The following CCDC178 variants were observed in gnomAD, a reference collection of about 807,000 sequenced individuals.
CCDC178 encodes the protein coiled-coil domain containing 178.
CCDC178 carries 126 observed loss-of-function variants against 117.4 expected under a neutral mutation model. That is an observed-to-expected ratio of 1.07 (90% CI 0.93 to 1.24). CCDC178 has a LOEUF of 1.24. Among genes scored for constraint, CCDC178 ranks in the 50% most tolerant of loss-of-function variants. CCDC178 has a pLI of 0.00. For missense variants in CCDC178, 1,030 were observed against 986.9 expected, an observed-to-expected ratio of 1.04 and a Z score of -0.59; for synonymous variants, 283 against 313.4, an observed-to-expected ratio of 0.90 and a Z score of 1.02.
rs563855465 is a variant in CCDC178 at position 33,022,787 on chromosome 18, G to C, written c.2389-48106C>G. ...GTCTAAGTATATCAATTAGAACGCA[G>C]ACATTAGCAGAGCAGATTAAAAAGA... On this transcript the variant is annotated intron_variant, in intron 21 of 22. Coordinates refer to ENST00000383096, the MANE Select transcript of CCDC178 (RefSeq NM_001105528.4). Among the ~76,000 whole-genome samples, 4 of 152,160 alleles carry C rather than the reference G, an allele frequency of 2.6e-5. No homozygotes were observed. In the East Asian group the frequency reaches 7.7e-4, roughly 29 times the overall value.
chr18:33,110,429 T>C (rs1271638897), intron 20 of CCDC178, among the ~76,000 whole-genome samples: 1 of 151,646 alleles, frequency 6.6e-6, no homozygotes, highest in Admixed American at 6.6e-5. Context: ...TGTATTTCTT[T>C]CATGGTTGGT....
chr18:32,989,105 A>G (rs1246108011), intron 21 of CCDC178, among the ~76,000 whole-genome samples: 1 of 152,162 alleles, frequency 6.6e-6, no homozygotes, highest in Non-Finnish European at 1.5e-5. Flanking sequence ...TATTTCCCAA[A>G]TTATTCTAGA....
rs1010061238 is a variant in CCDC178, at chr18:33,386,852, G to A, written c.208+2688C>T. 3.9e-5 allele frequency among the ~76,000 whole-genome samples: 6 copies of A among 152,070 alleles called. No individual in the cohort carries two copies. The South Asian group carries it at 1.2e-3, about 32-fold the overall frequency. ...CACCACTCTTATTCAACATAGTGTT[G>A]GAAGTTCTGGCCAGGGCAATCACGT... is the stretch of plus-strand genomic sequence containing the variant. On this transcript the variant is annotated intron_variant, in intron 5 of 22. Transcript: ENST00000383096.
chr18:33,001,220 A>C (rs973552824), intron 21 of CCDC178, among the ~76,000 whole-genome samples: 2 of 152,158 alleles, frequency 1.3e-5, no homozygotes, highest in African/African-American at 2.4e-5. Context: ...ATACAAGTAC[A>C]TAGAAATAAA....
intron 21 of CCDC178, among the ~76,000 whole-genome samples, chr18:33,085,386 AC>A (rs1213559828): frequency 6.6e-6 from 1 of 151,922 alleles, no homozygotes; most frequent in African/African-American, 2.4e-5. Context: ...ACACGGTGAA[AC>A]CCCGTTTCTA....
chr18:33,031,717 T>C (rs2056347186), intron 21 of CCDC178, among the ~76,000 whole-genome samples: 2 of 152,124 alleles, frequency 1.3e-5, no homozygotes, highest in Non-Finnish European at 2.9e-5. Context: ...GTTATAATGA[T>C]TCAAGTCCTA....
intron 21 of CCDC178, among the ~76,000 whole-genome samples, chr18:33,089,691 A>T (rs183765097): frequency 1.4e-3 from 219 of 152,330 alleles, no homozygotes; most frequent in African/African-American, 5.0e-3. Flanking sequence ...TGCTTAACTT[A>T]CCTTTCTGTG....
chr18:32,979,338 T>C (rs1038640928), intron 21 of CCDC178, among the ~76,000 whole-genome samples: 26 of 152,022 alleles, frequency 1.7e-4, no homozygotes, highest in African/African-American at 6.0e-4. Flanking sequence ...TTTGTATTTT[T>C]AGTAGAGACA....
At chr18:33,224,696 T>C (rs2059280138) in intron 17 of CCDC178, 79 bp downstream of exon 17, 2 of 943,102 alleles carry the variant, frequency 2.1e-6, no homozygotes, top group Admixed American at 3.3e-5. Context: ...ATTTCCCAAA[T>C]GATAATGTAA....
chr18:33,330,160 T>C (rs992349378), intron 10 of CCDC178, among the ~76,000 whole-genome samples: 3 of 152,120 alleles, frequency 2.0e-5, no homozygotes, highest in Admixed American at 1.3e-4. Flanking sequence ...TGCTCATAAT[T>C]CTGCTTTTCA....
intron 3 of CCDC178, among the ~76,000 whole-genome samples, chr18:33,402,958 T>A (rs77041789): frequency 0.022 from 3,313 of 152,342 alleles, 129 homozygotes; most frequent in African/African-American, 0.075. Flanking sequence ...TAGATTTTTT[T>A]AAATTTTTCT....
intron 14 of CCDC178, among the ~76,000 whole-genome samples, chr18:33,252,787 C>A (rs1327098368): frequency 1.3e-5 from 2 of 151,666 alleles, no homozygotes; most frequent in African/African-American, 4.8e-5. Context: ...TTGCTCATTT[C>A]CCTCAATTAC....
At chr18:33,318,569 T>G (rs2062454054) in intron 11 of CCDC178, among the ~76,000 whole-genome samples, 1 of 152,192 alleles carries the variant, frequency 6.6e-6, no homozygotes, top group African/African-American at 2.4e-5. Flanking sequence ...ATATGTTTAA[T>G]TTGAGCACAA....
chr18:33,418,260 A>C (rs1218988368), intron 2 of CCDC178, among the ~76,000 whole-genome samples: 1 of 152,236 alleles, frequency 6.6e-6, no homozygotes, highest in Non-Finnish European at 1.5e-5. Flanking sequence ...CAATAGATGC[A>C]GAAAAGGCTT....
chr18:33,381,382 G>A lies in CCDC178; in HGVS notation c.208+8158C>T, dbSNP rs559778442. On this transcript the variant is annotated intron_variant, in intron 5 of 22. Coordinates refer to ENST00000383096, the MANE Select transcript of CCDC178 (RefSeq NM_001105528.4). ...TTTAGTCAGTAACTTCCCTACTCTG[G>A]TTTTATATATATATAACCAGAGACC... 2.7e-4 allele frequency among the ~76,000 whole-genome samples: 41 copies of A among 152,030 alleles called. No individual in the cohort carries two copies. The East Asian group carries it at 6.8e-3, about 25-fold the overall frequency.
At chr18:33,050,022 C>G (rs1414005196) in intron 21 of CCDC178, among the ~76,000 whole-genome samples, 1 of 151,906 alleles carries the variant, frequency 6.6e-6, no homozygotes, top group East Asian at 1.9e-4. Context: ...CGGAGTTTGC[C>G]GTGATCTGAG....
chr18:33,283,902 TG>T (rs1555677489), intron 12 of CCDC178, among the ~76,000 whole-genome samples: 1 of 150,708 alleles, frequency 6.6e-6, no homozygotes, highest in South Asian at 2.1e-4. Flanking sequence ...GTCCCATTAC[TG>T]GGTACATACC....
chr18:33,276,049 T>TAAATAAAC (rs1389965151), intron 12 of CCDC178, among the ~76,000 whole-genome samples: 1 of 151,520 alleles, frequency 6.6e-6, no homozygotes, highest in Non-Finnish European at 1.5e-5. Flanking sequence ...AATAAATAAA[T>TAAATAAAC]AAATAAATGA....
At chr18:33,425,860 T>C (rs2064116125) in intron 2 of CCDC178, among the ~76,000 whole-genome samples, 1 of 152,150 alleles carries the variant, frequency 6.6e-6, no homozygotes, top group African/African-American at 2.4e-5. Flanking sequence ...TAACAGGTGG[T>C]GGTTCTACAG....
Sources: allele counts gnomAD v4.1 joint callset (sites outside exome capture counted in the v4.1 genomes callset), GRCh38; gene constraint gnomAD v4.1.1; transcripts MANE v1.5; gene names NCBI Gene and HGNC (gene_info 2026-07-23, HGNC 2026-07-21).